ALDH6A1: variants seen among roughly 807,000 people sequenced by gnomAD.
ALDH6A1 encodes methylmalonate-semialdehyde/malonate-semialdehyde dehydrogenase [acylating], mitochondrial.
ALDH6A1 carries 43 observed loss-of-function variants against 62.6 expected under a neutral mutation model. That is an observed-to-expected ratio of 0.69 (90% CI 0.54 to 0.89). The LOEUF (loss-of-function observed/expected upper bound fraction) is 0.89. ALDH6A1 is among the 40% of genes least tolerant of loss of function. The probability of loss-of-function intolerance (pLI) is 0.00; values close to 1 mark genes in which losing one functional copy is unlikely to be tolerated. For missense variants in ALDH6A1, 551 were observed against 661.3 expected, an observed-to-expected ratio of 0.83 and a Z score of 1.83; for synonymous variants, 194 against 234.2, an observed-to-expected ratio of 0.83 and a Z score of 1.57.
At chr14:74,067,651 G>C in intron 7 of ALDH6A1, 82 bp from the exon 8 acceptor site, 1 of 1,445,278 alleles carries the variant, frequency 6.9e-7, no homozygotes, top group East Asian at 2.3e-5. Flanking sequence ...GACCAGGTGT[G>C]GTGGCTAATG....
chr14:74,056,906 G>T lies in ALDH6A1; in HGVS notation c.*3736C>A. 6.2e-7 allele frequency: 1 copy of T among 1,610,980 alleles called. No individual in the cohort carries two copies. The highest frequency in any genetic ancestry group is 1.1e-5 in the South Asian group (1 of 90,950). On this transcript the variant is annotated 3_prime_UTR_variant, in exon 12 of 12. Coordinates refer to ENST00000553458, the MANE Select transcript of ALDH6A1 (RefSeq NM_005589.4). The stretch of plus-strand genomic sequence containing the variant: ...CTTTGTTGACTTTTACCCACTACAG[G>T]AAATACAACCAGAGTTCTAGGCCTC...
Position 74,059,186 on chromosome 14 carries a change from C to T in ALDH6A1, c.*1456G>A, listed in dbSNP as rs954316765. ...AACCACTTTATGTCATGGAAAGCTTCGAAATTTCTTAGGCCCAGTTAATTG... is the reference window on the plus strand; with the variant it reads ...AACCACTTTATGTCATGGAAAGCTTTGAAATTTCTTAGGCCCAGTTAATTG... On this transcript the variant is annotated 3_prime_UTR_variant, in exon 12 of 12. Transcript: ENST00000553458. The T allele has an allele frequency of 9.1e-6, 2 of 218,738 alleles. No individual in the cohort carries two copies. The highest frequency in any genetic ancestry group is 1.9e-5 in the Non-Finnish European group (2 of 106,720). The allele number at this position is 218,738 out of a possible 1,614,324, so 13.5% of individuals were successfully genotyped here. A position where few individuals can be genotyped will look rare whatever the true frequency, so the allele number is the denominator to read the frequency against.
chr14:74,062,429 C>T (rs2060367115), intron 11 of ALDH6A1, among the ~76,000 whole-genome samples: 1 of 152,036 alleles, frequency 6.6e-6, no homozygotes, highest in Admixed American at 6.6e-5. Flanking sequence ...TGGCGAAACC[C>T]CGTCTCTACT....
chr14:74,068,603 C>T (rs746002415), intron 7 of ALDH6A1, among the ~76,000 whole-genome samples: 6 of 151,034 alleles, frequency 4.0e-5, no homozygotes, highest in South Asian at 2.1e-4. Context: ...ATTAGCCGGG[C>T]GCTGTGGCAT....
intron 1 of ALDH6A1, among the ~76,000 whole-genome samples, chr14:74,080,680 C>T (rs1218593543): frequency 3.9e-5 from 6 of 152,072 alleles, no homozygotes; most frequent in Admixed American, 1.3e-4. Context: ...TAGCCTCAAG[C>T]GATCCTCCTG....
At chr14:74,063,064 T>C (rs1021585334) in intron 11 of ALDH6A1, among the ~76,000 whole-genome samples, 8 of 152,172 alleles carry the variant, frequency 5.3e-5, no homozygotes, top group African/African-American at 1.9e-4. Context: ...TCTAACTTCA[T>C]TTCTTCCTTT....
intron 11 of ALDH6A1, 106 bp from the exon 12 acceptor site, chr14:74,060,852 T>C: frequency 2.5e-6 from 2 of 792,100 alleles, no homozygotes; most frequent in Admixed American, 4.0e-5. Flanking sequence ...ACTTTCCTAA[T>C]TGAGAAATGC....
rs747851338 is a variant in ALDH6A1 at position 74,057,578 on chromosome 14, C to T, written c.*3064G>A. 76 of 1,330,018 alleles carry T rather than the reference C, an allele frequency of 5.7e-5. No individual in the cohort carries two copies. Among genetic ancestry groups the T allele is most frequent in the Non-Finnish European group, 7.4e-5 (76 of 1,025,446 alleles). 82.4% of individuals were successfully genotyped at this position (1,330,018 alleles called of 1,614,324 possible). A position where few individuals can be genotyped will look rare whatever the true frequency, so the allele number is the denominator to read the frequency against. On this transcript the variant is annotated 3_prime_UTR_variant, in exon 12 of 12. Transcript: ENST00000553458. ...TAGTGACCTTGTGACTCTTAGCTTT[C>T]CATCACAGGTGGGAAGTCAGAGTCA...
At chr14:74,074,120 G>A (rs2139799455) in intron 2 of ALDH6A1, among the ~76,000 whole-genome samples, 1 of 151,240 alleles carries the variant, frequency 6.6e-6, no homozygotes, top group East Asian at 2.0e-4. Context: ...AGGCAGCTGG[G>A]ACCATAGGTA....
intron 7 of ALDH6A1, among the ~76,000 whole-genome samples, chr14:74,068,468 G>A (rs535690549): frequency 6.6e-6 from 1 of 151,516 alleles, no homozygotes; most frequent in South Asian, 2.1e-4. Flanking sequence ...GGAGGATATG[G>A]TAAGGCTTAC....
At chr14:74,071,029 C>T in intron 6 of ALDH6A1, 166 bp downstream of exon 6, 1 of 724,088 alleles carries the variant, frequency 1.4e-6, no homozygotes, top group South Asian at 1.6e-5. Context: ...CAATCAGTTA[C>T]CTTGGCGCAC....
In ALDH6A1 at chr14:74,057,190, G is replaced by T. The variant is rs749951354; in HGVS notation, c.*3452C>A. 39 of 1,613,664 alleles carry T rather than the reference G, an allele frequency of 2.4e-5. 1 individual carries two copies. In the Admixed American group the frequency reaches 6.5e-4, roughly 27 times the overall value. On this transcript the variant is annotated 3_prime_UTR_variant, in exon 12 of 12. Transcript: ENST00000553458. ...TAAAATCTTCATCACCCAGCAAATT[G>T]CAATATCAGACTCTTCTGGTGAAGT...
Position 74,071,399 on chromosome 14 carries a change from G to C in ALDH6A1, c.526C>G (p.Leu176Val). 1 of 1,614,202 alleles carries C rather than the reference G, an allele frequency of 6.2e-7. No individual in the cohort carries two copies. Among genetic ancestry groups the C allele is most frequent in the Non-Finnish European group, 8.5e-7 (1 of 1,180,046 alleles). ...DMDLYSYRLPLGVCAGIAPFN... is the reference protein window; with the variant it reads ...DMDLYSYRLPVGVCAGIAPFN... ...GGAGCAATGCCTGCACACACTCCCAGAGGCAGACGGTAGGAATAAAGGTCC... is the reference window on the plus strand; with the variant it reads ...GGAGCAATGCCTGCACACACTCCCACAGGCAGACGGTAGGAATAAAGGTCC... Residue 176 changes from leucine (L) to valine (V), a missense_variant, in exon 6 of 12, where the codon CTG becomes GTG. Physicochemically the swap from Leu to Val is conservative, Grantham distance 32. Transcript: ENST00000553458.
Position 74,072,192 on chromosome 14 carries a change from A to T in ALDH6A1, c.348+11T>A. The T allele has an allele frequency of 6.2e-7, 1 of 1,614,220 alleles. No homozygotes were observed. The highest frequency in any genetic ancestry group is 8.5e-7 in the Non-Finnish European group (1 of 1,180,044). On this transcript the variant is annotated intron_variant, in intron 4 of 11. Coordinates refer to ENST00000553458, the MANE Select transcript of ALDH6A1 (RefSeq NM_005589.4). ...GACAGTTTGGAAAAGCATACCATTT[A>T]GATTTCATACCAAGTTTTCTTTAAT...
chr14:74,059,402 T>C lies in ALDH6A1; in HGVS notation c.*1240A>G, dbSNP rs1164248403. On this transcript the variant is annotated 3_prime_UTR_variant, in exon 12 of 12. Transcript: ENST00000553458. ...CTTTTGAAATAATTTTCTAAGAAAA[T>C]TATTTGCATCTGGCTGGGTGTGGTG... is the stretch of plus-strand genomic sequence containing the variant. 4.4e-6 allele frequency: 2 copies of C among 456,002 alleles called. No individual in the cohort carries two copies. Among genetic ancestry groups the C allele is most frequent in the Middle Eastern group, 3.3e-4 (1 of 3,038 alleles). 28.2% of individuals were successfully genotyped at this position (456,002 alleles called of 1,614,324 possible). A position where few individuals can be genotyped will look rare whatever the true frequency, so the allele number is the denominator to read the frequency against.
At chr14:74,079,367 C>T (rs1291583675) in intron 1 of ALDH6A1, among the ~76,000 whole-genome samples, 1 of 151,868 alleles carries the variant, frequency 6.6e-6, no homozygotes, top group African/African-American at 2.4e-5. Context: ...CTGCCTCAGC[C>T]TCCTGAGTAG....
At chr14:74,062,051 GAAAAAAAAAAAAAAAAAAA>G (rs369414700) in intron 11 of ALDH6A1, among the ~76,000 whole-genome samples, 6 of 59,578 alleles carry the variant, frequency 1.0e-4, no homozygotes, top group African/African-American at 3.5e-4. Context: ...TCTCTACTGG[GAAAAAAAAAAAAAAAAAAA>G]AAAAAAAAAA....
At chr14:74,078,131 A>C in intron 1 of ALDH6A1, 1 of 448,666 alleles carries the variant, frequency 2.2e-6, no homozygotes, top group Non-Finnish European at 4.4e-6. Context: ...ACTTTATCTT[A>C]AAACTCCCAA....
Position 74,084,421 on chromosome 14 carries a change from C to T in ALDH6A1, c.-27G>A. The T allele has an allele frequency of 6.2e-7, 1 of 1,611,970 alleles. No homozygotes were observed. Among genetic ancestry groups the T allele is most frequent in the Non-Finnish European group, 8.5e-7 (1 of 1,179,640 alleles). ...GCTCTCGGCCGCCCTAGCTCCGCAC[C>T]CCGCGCCTCTACTGCCCAGAAGCAC... On this transcript the variant is annotated 5_prime_UTR_variant, in exon 1 of 12. Transcript: ENST00000553458.
Sources: gnomAD v4.1 joint callset for allele counts (sites outside exome capture counted in the v4.1 genomes callset) on GRCh38, gnomAD v4.1.1 for gene constraint, MANE v1.5 for transcripts, NCBI Gene and HGNC (gene_info 2026-07-23, HGNC 2026-07-21) for gene names.